The following UPRT variants were observed in gnomAD, a reference collection of about 807,000 sequenced individuals.
The protein encoded by UPRT is RP11-311P8.3.
A neutral mutation model predicts 22.6 loss-of-function variants in UPRT; 5 were observed. The observed-to-expected ratio is 0.22, with a 90% confidence interval of 0.12 to 0.47. The LOEUF is 0.47. UPRT is among the 20% of genes least tolerant of loss of function. The pLI, the probability that UPRT is intolerant of heterozygous loss-of-function variation, is 0.99. For missense variants in UPRT, 181 were observed against 239.9 expected (o/e 0.75, Z 1.62); for synonymous variants, 77 against 87.7 (o/e 0.88, Z 0.68).
In UPRT at chrX:75,196,086, T is replaced by C. The variant is rs909528757; in HGVS notation, c.-447+28207T>C. 2.7e-5 allele frequency among the ~76,000 whole-genome samples: 3 copies of C among 112,648 alleles called. No individual in the cohort carries two copies. In the Admixed American group the frequency reaches 2.8e-4, roughly 11 times the overall value. On this transcript the variant is annotated intron_variant, in intron 4 of 13. Transcript: ENST00000652605. Reference sequence around the variant, plus strand: ...ATTTTGATAAGCACTGTATTAAGTCTGTGGATCAATCTGTAGAATATTACC... The same window carrying C: ...ATTTTGATAAGCACTGTATTAAGTCCGTGGATCAATCTGTAGAATATTACC...
chrX:75,186,761 C>T (rs1450933937), intron 4 of UPRT, among the ~76,000 whole-genome samples: 9 of 112,032 alleles, frequency 8.0e-5, no homozygotes, highest in Non-Finnish European at 3.8e-5. Context: ...GAATTGATCC[C>T]TTTACCATTA....
chrX:75,232,509 G>T (rs1240320504), intron 4 of UPRT, among the ~76,000 whole-genome samples: 2 of 112,686 alleles, frequency 1.8e-5, no homozygotes, highest in Non-Finnish European at 3.8e-5. Context: ...AAAGACAGCA[G>T]TAACCTCTGC....
intron 4 of UPRT, among the ~76,000 whole-genome samples, chrX:75,225,151 G>A (rs2082420081): frequency 9.0e-6 from 1 of 111,102 alleles, no homozygotes; most frequent in Non-Finnish European, 1.9e-5. Flanking sequence ...TTCTCAGCAT[G>A]TCATGCTCAA....
chrX:75,297,034 A>C (rs1402710125), intron 3 of UPRT, among the ~76,000 whole-genome samples: 1 of 111,534 alleles, frequency 9.0e-6, no homozygotes, highest in African/African-American at 3.3e-5. Flanking sequence ...CTTAATAACT[A>C]TTTCAGCCAC....
chrX:75,195,602 CTGCCAGT>C (rs2082330626), intron 4 of UPRT, among the ~76,000 whole-genome samples: 1 of 112,144 alleles, frequency 8.9e-6, no homozygotes, highest in Non-Finnish European at 1.9e-5. Flanking sequence ...GGGTCTCCTG[CTGCCAGT>C]AATCCAGAGG....
chrX:75,239,101 G>A (rs1487620374), intron 4 of UPRT, among the ~76,000 whole-genome samples: 3 of 110,336 alleles, frequency 2.7e-5, no homozygotes, highest in African/African-American at 6.6e-5. Flanking sequence ...AAGAAAAGCA[G>A]TAACAAAGAT....
At chrX:75,289,439 A>T (rs971182480) in intron 1 of UPRT, among the ~76,000 whole-genome samples, 38 of 27,177 alleles carry the variant, frequency 1.4e-3, no homozygotes, top group Non-Finnish European at 8.4e-4. Flanking sequence ...TTTGCTCAGA[A>T]TTGGAAAAAA....
At chrX:75,156,429 T>G in exon 1 of UPRT, 1 of 597,855 alleles carries the variant, frequency 1.7e-6, no homozygotes, top group Non-Finnish European at 2.7e-6. Flanking sequence ...ACAGCCTCTT[T>G]TATTTGTTTT....
chrX:75,174,641 G>A (rs1191035651), intron 4 of UPRT, among the ~76,000 whole-genome samples: 1 of 112,143 alleles, frequency 8.9e-6, no homozygotes, highest in Admixed American at 9.4e-5. Flanking sequence ...CCCTAAGAAG[G>A]TGTAGCGTCC....
At chrX:75,219,212 C>T (rs1342313137) in intron 4 of UPRT, among the ~76,000 whole-genome samples, 1 of 111,565 alleles carries the variant, frequency 9.0e-6, no homozygotes, top group Non-Finnish European at 1.9e-5. Context: ...CAATTTAATT[C>T]ATGATCAATA....
intron 3 of UPRT, among the ~76,000 whole-genome samples, chrX:75,165,368 A>C (rs1023305376): frequency 1.6e-4 from 18 of 112,097 alleles, no homozygotes; most frequent in African/African-American, 5.2e-4. Context: ...TTATATGTAA[A>C]AGGTAAACAA....
At chrX:75,205,068 C>A (rs1260596258) in intron 4 of UPRT, among the ~76,000 whole-genome samples, 1 of 111,239 alleles carries the variant, frequency 9.0e-6, no homozygotes, top group Non-Finnish European at 1.9e-5. Context: ...AGATCTGAAA[C>A]AAGGTATAAG....
At chrX:75,216,079 A>G (rs986652612) in intron 4 of UPRT, among the ~76,000 whole-genome samples, 3 of 111,729 alleles carry the variant, frequency 2.7e-5, no homozygotes, top group African/African-American at 6.5e-5. Context: ...AAAACTATAG[A>G]CCAATATTTT....
intron 4 of UPRT, among the ~76,000 whole-genome samples, chrX:75,246,240 G>A (rs1467180685): frequency 1.0e-5 from 1 of 97,468 alleles, no homozygotes; most frequent in African/African-American, 3.7e-5. Flanking sequence ...ATCTCCTAAA[G>A]CTATCCCTCC....
intron 4 of UPRT, among the ~76,000 whole-genome samples, chrX:75,223,380 T>A (rs371580375): frequency 1.1e-4 from 12 of 110,761 alleles, no homozygotes; most frequent in African/African-American, 3.0e-4. Flanking sequence ...GCCCCCCGAG[T>A]TTACTGGCTT....
chrX:75,266,029 G>A (rs2082587266), intron 4 of UPRT, among the ~76,000 whole-genome samples: 1 of 111,282 alleles, frequency 9.0e-6, no homozygotes, highest in Admixed American at 9.6e-5. Flanking sequence ...GTAATTTAGA[G>A]ATTCAATGCC....
intron 1 of UPRT, among the ~76,000 whole-genome samples, chrX:75,284,628 A>G (rs1167898471): frequency 1.8e-5 from 2 of 111,766 alleles, no homozygotes; most frequent in East Asian, 2.8e-4. Context: ...TGTTGTCTGC[A>G]TGGAGTTCTG....
At position 75,296,388 on chromosome X, in the gene UPRT, A is replaced by G. The variant is rs1292260976; in HGVS notation, c.476A>G (p.Glu159Gly). The change falls in exon 3 of 7, where the codon GAA (glutamate) becomes GGA (glycine). Residue 159 changes from glutamate (E) to glycine (G), a missense_variant. Glu to Gly is a moderately conservative substitution (Grantham distance 98). This residue lies in a region of UPRT where 70 missense variants were observed against 137.0 expected (regional missense o/e 0.51). Transcript: ENST00000373383. ...EEGLNQLPYK[E>G]CMVTTPTGYK... is the part of the protein sequence containing the mutation. ...GGATTGAATCAGCTGCCATATAAAG[A>G]ATGCATGGTGACCACTCCAACAGGT... 1 of 1,210,604 alleles carries G rather than the reference A, an allele frequency of 8.3e-7. No homozygotes were observed. The highest frequency in any genetic ancestry group is 1.1e-6 in the Non-Finnish European group (1 of 894,728).
chrX:75,292,444 G>A (rs2082711725), intron 1 of UPRT, among the ~76,000 whole-genome samples: 1 of 111,842 alleles, frequency 8.9e-6, no homozygotes, highest in South Asian at 3.7e-4. Flanking sequence ...AATATCTGTA[G>A]TATGATAGAA....
Sources: gnomAD v4.1 joint callset for allele counts (sites outside exome capture counted in the v4.1 genomes callset) on GRCh38, gnomAD v4.1.1 for gene constraint, gnomAD v4.1.1 regional missense constraint, MANE v1.5 for transcripts, NCBI Gene and HGNC (gene_info 2026-07-23, HGNC 2026-07-21) for gene names.